The following TLR5 variants were observed in gnomAD, a reference collection of about 807,000 sequenced individuals.
TLR5 encodes toll like receptor 5, also known as toll-like receptor 5.
For missense variants in TLR5, 944 were observed against 999.8 expected (o/e 0.94, Z 0.75); for synonymous variants, 373 against 384.4 (o/e 0.97, Z 0.35).
chr1:223,116,325 C>T (rs1468369652), intron 5 of TLR5, among the ~76,000 whole-genome samples: 1 of 151,990 alleles, frequency 6.6e-6, no homozygotes, highest in Non-Finnish European at 1.5e-5. Context: ...GGGCTCATGG[C>T]CTCGCTGGCT....
In TLR5 at chr1:223,110,780, C is replaced by T. The variant is rs779576189; in HGVS notation, c.2252G>A (p.Ser751Asn). The T allele has an allele frequency of 6.8e-6, 11 of 1,614,130 alleles. No individual in the cohort carries two copies. Among genetic ancestry groups the T allele is most frequent in the Non-Finnish European group, 9.3e-6 (11 of 1,180,044 alleles). The change falls in exon 6 of 6, where the codon AGT becomes AAT. Residue 751 changes from serine to asparagine, a missense_variant. Ser to Asn is a conservative substitution (Grantham distance 46, BLOSUM62 1). Transcript: ENST00000642603. ...GCTCACAAGACAAACGATCTTTCTA[C>T]TGTTCCAGATGGCATCCTGGATATT... is the stretch of plus-strand genomic sequence containing the variant. Reference protein sequence around the residue: ...IANIQDAIWNSRKIVCLVSRH... With the variant: ...IANIQDAIWNNRKIVCLVSRH...
At chr1:223,138,992 C>T (rs565666577) in intron 2 of TLR5, among the ~76,000 whole-genome samples, 2 of 152,210 alleles carry the variant, frequency 1.3e-5, no homozygotes, top group Non-Finnish European at 2.9e-5. Context: ...TTCCCCTGCA[C>T]ATGCTCTCTT....
At chr1:223,136,023 G>A (rs1044458131) in intron 3 of TLR5, among the ~76,000 whole-genome samples, 6 of 152,128 alleles carry the variant, frequency 3.9e-5, no homozygotes, top group African/African-American at 1.2e-4. Flanking sequence ...AACCCTACCA[G>A]GAATAGCCTG....
intron 5 of TLR5, among the ~76,000 whole-genome samples, chr1:223,116,118 A>G (rs1656624129): frequency 1.3e-5 from 2 of 152,190 alleles, no homozygotes; most frequent in African/African-American, 4.8e-5. Context: ...CATCAAAGCA[A>G]TGATCACAAG....
chr1:223,136,235 T>C (rs1240667696), intron 3 of TLR5, among the ~76,000 whole-genome samples: 1 of 152,136 alleles, frequency 6.6e-6, no homozygotes, highest in African/African-American at 2.4e-5. Context: ...GAGTTAGCTA[T>C]GTGGTCTGGA....
intron 5 of TLR5, among the ~76,000 whole-genome samples, chr1:223,117,232 C>T (rs993115531): frequency 5.9e-5 from 9 of 152,182 alleles, no homozygotes; most frequent in South Asian, 2.1e-4. Flanking sequence ...CTGGCTGCTC[C>T]GAGTTAGGGC....
Position 223,110,835 on chromosome 1 carries a change from CTCTT to C in TLR5, c.2193_2196del (p.Arg732ThrfsTer26). 6.2e-7 allele frequency: 1 copy of C among 1,614,268 alleles called. No individual in the cohort carries two copies. The highest frequency in any genetic ancestry group is 2.2e-5 in the East Asian group (1 of 44,894). On this transcript the variant is annotated frameshift_variant, in exon 6 of 6. Coordinates refer to ENST00000642603, the MANE Select transcript of TLR5 (RefSeq NM_003268.6). LOFTEE classifies it low-confidence loss of function (END_TRUNC). ...ATGCGGTTTTCTCCTGGGACAAAGTCTCTTTCTTCAAAGCACAGGTTGAATCTGT... is the reference window on the plus strand; with the variant it reads ...ATGCGGTTTTCTCCTGGGACAAAGTCTCTTCAAAGCACAGGTTGAATCTGT...
At chr1:223,119,499 CA>C (rs914090515) in intron 5 of TLR5, among the ~76,000 whole-genome samples, 14 of 150,308 alleles carry the variant, frequency 9.3e-5, no homozygotes, top group African/African-American at 2.9e-4. Context: ...AAGCACATTC[CA>C]AAAAAAAACC....
intron 2 of TLR5, among the ~76,000 whole-genome samples, chr1:223,138,834 C>A (rs962042993): frequency 2.6e-5 from 4 of 152,220 alleles, no homozygotes; most frequent in Non-Finnish European, 5.9e-5. Flanking sequence ...CCACCCAAAT[C>A]TCATCTTGAA....
intron 5 of TLR5, chr1:223,128,937 C>T (rs183985285): frequency 6.6e-6 from 1 of 152,366 alleles, no homozygotes; most frequent in African/African-American, 2.4e-5. Flanking sequence ...ACCTGGACAA[C>T]TTGCAGTCAA....
chr1:223,111,053 A>T lies in TLR5; in HGVS notation c.1979T>A (p.Val660Asp), dbSNP rs1656298833. The change falls in exon 6 of 6, where the codon GTC (valine) becomes GAC (aspartate). Residue 660 changes from valine (V) to aspartate (D), a missense_variant. Val to Asp is a radical substitution (Grantham distance 152, BLOSUM62 -3). Transcript: ENST00000642603. ...LTLFLMTILT[V>D]TKFRGFCFIC... ...AAAACAGAAGCCCCGGAACTTTGTG[A>T]CTGTGAGGATGGTCATGAGGAACAG... 6.2e-7 allele frequency: 1 copy of T among 1,614,076 alleles called. No individual in the cohort carries two copies. The highest frequency in any genetic ancestry group is 1.7e-5 in the Admixed American group (1 of 60,000).
In TLR5 at chr1:223,110,932, G is replaced by A. The variant is rs1272582650; in HGVS notation, c.2100C>T (p.Ser700=). ...TCTGCACCCATGTGAAGTCTTTGCTGCTGAAGCACAAATAGGCATCATATT... is the reference window on the plus strand; with the variant it reads ...TCTGCACCCATGTGAAGTCTTTGCTACTGAAGCACAAATAGGCATCATATT... The part of the protein sequence containing the change: ...MYKYDAYLCF[S]SKDFTWVQNA... Residue 700 remains serine, a synonymous_variant, in exon 6 of 6, where the codon AGC becomes AGT. Coordinates refer to ENST00000642603, the MANE Select transcript of TLR5 (RefSeq NM_003268.6). The A allele has an allele frequency of 6.2e-7, 1 of 1,614,124 alleles. No individual in the cohort carries two copies. The highest frequency in any genetic ancestry group is 1.7e-5 in the Admixed American group (1 of 60,016).
In TLR5 at chr1:223,112,164, CTGAACTTCTGGCCA is replaced by C. The variant is rs1271900315; in HGVS notation, c.854_867del (p.Leu285ArgfsTer20). On this transcript the variant is annotated frameshift_variant, in exon 6 of 6. Transcript: ENST00000642603. LOFTEE classifies it low-confidence loss of function (END_TRUNC). ...CCATGTGAAAGATCCAGGTGTCTCA[CTGAACTTCTGGCCA>C]GGCCAGCAAATGTGTTCTGGTCAGG... 48 of 1,614,090 alleles carry C rather than the reference CTGAACTTCTGGCCA, an allele frequency of 3.0e-5. No homozygotes were observed. Among genetic ancestry groups the C allele is most frequent in the Non-Finnish European group, 4.1e-5 (48 of 1,180,040 alleles).
At chr1:223,133,429 A>G (rs1486902463) in intron 4 of TLR5, among the ~76,000 whole-genome samples, 3 of 152,162 alleles carry the variant, frequency 2.0e-5, no homozygotes, top group Admixed American at 6.6e-5. Context: ...CTGATTCATC[A>G]GGGCTGTGGC....
chr1:223,117,994 T>C (rs1656763061), intron 5 of TLR5, among the ~76,000 whole-genome samples: 1 of 152,126 alleles, frequency 6.6e-6, no homozygotes, highest in Admixed American at 6.5e-5. Flanking sequence ...CTCTGTAAAA[T>C]ATTTAAAGAG....
At chr1:223,128,571 C>T (rs1657267282) in intron 5 of TLR5, 1 of 152,016 alleles carries the variant, frequency 6.6e-6, no homozygotes, top group African/African-American at 2.4e-5. Flanking sequence ...GGTCTGGAGG[C>T]AGGGAACCTA....
In TLR5 at chr1:223,112,870, G is replaced by A. The variant is rs1656436722; in HGVS notation, c.162C>T (p.Ser54=). 4 of 1,613,998 alleles carry A rather than the reference G, an allele frequency of 2.5e-6. No individual in the cohort carries two copies. Among genetic ancestry groups the A allele is most frequent in the Non-Finnish European group, 3.4e-6 (4 of 1,180,006 alleles). Residue 54 remains serine (S), a synonymous_variant, in exon 6 of 6, where the codon AGC becomes AGT. Coordinates refer to ENST00000642603, the MANE Select transcript of TLR5 (RefSeq NM_003268.6). The part of the protein sequence containing the change: ...VLNTTERLLL[S]FNYIRTVTAS... ...CAGTGACTGTCCTGATATAGTTGAA[G>A]CTCAGCAGGAGCCTCTCAGTGGTGT...
At chr1:223,116,560 A>G (rs1255614463) in intron 5 of TLR5, among the ~76,000 whole-genome samples, 1 of 152,162 alleles carries the variant, frequency 6.6e-6, no homozygotes, top group Non-Finnish European at 1.5e-5. Flanking sequence ...GCAAAGAGCA[A>G]AAGAACAAAC....
chr1:223,112,182 C>A lies in TLR5; in HGVS notation c.850G>T (p.Gly284Cys). The change falls in exon 6 of 6, where the codon GGC becomes TGC. Residue 284 changes from glycine to cysteine, a missense_variant. Gly to Cys is a radical substitution (Grantham distance 159). Transcript: ENST00000642603. The stretch of plus-strand genomic sequence containing the variant: ...TGTCTCACTGAACTTCTGGCCAGGC[C>A]AGCAAATGTGTTCTGGTCAGGATCT... ...IKDPDQNTFAGLARSSVRHLD... is the reference protein window; with the variant it reads ...IKDPDQNTFACLARSSVRHLD... 6.2e-7 allele frequency: 1 copy of A among 1,614,196 alleles called. No individual in the cohort carries two copies. Among genetic ancestry groups the A allele is most frequent in the Non-Finnish European group, 8.5e-7 (1 of 1,180,036 alleles).
Sources: allele counts gnomAD v4.1 joint callset (sites outside exome capture counted in the v4.1 genomes callset), GRCh38; gene constraint gnomAD v4.1.1; transcripts MANE v1.5; gene names NCBI Gene and HGNC (gene_info 2026-07-23, HGNC 2026-07-21).